CACHD1: variants seen among roughly 807,000 people sequenced by gnomAD.
CACHD1 encodes the protein cache domain containing 1.
A neutral mutation model predicts 138.7 loss-of-function variants in CACHD1; 71 were observed. That is an observed-to-expected ratio of 0.51 (90% CI 0.42 to 0.62). The LOEUF (loss-of-function observed/expected upper bound fraction) is 0.62, where lower values mean the gene tolerates loss of function less well. CACHD1 is among the 20% of genes least tolerant of loss of function. The probability of loss-of-function intolerance (pLI) is 0.00; values close to 1 mark genes in which losing one functional copy is unlikely to be tolerated. For synonymous variants in CACHD1, 578 were observed against 591.5 expected, an observed-to-expected ratio of 0.98 and a Z score of 0.33; for missense variants, 1,389 against 1,625.3, an observed-to-expected ratio of 0.85 and a Z score of 2.50.
At chr1:64,643,037 A>G (rs1476203661) in intron 8 of CACHD1, among the ~76,000 whole-genome samples, 3 of 3,412 alleles carry the variant, frequency 8.8e-4, no homozygotes, top group East Asian at 6.3e-3. Flanking sequence ...GACTCTGTCT[A>G]AAAAAAAAAA....
chr1:64,685,552 C>T (rs1650340268), intron 26 of CACHD1, among the ~76,000 whole-genome samples: 1 of 152,040 alleles, frequency 6.6e-6, no homozygotes, highest in East Asian at 1.9e-4. Context: ...CTACTTCTCC[C>T]CCTTTTTTTT....
chr1:64,598,053 A>T (rs1489969343), intron 3 of CACHD1, among the ~76,000 whole-genome samples: 1 of 152,310 alleles, frequency 6.6e-6, no homozygotes, highest in East Asian at 1.9e-4. Context: ...TGGGGACCAG[A>T]GGTAGCTAAA....
intron 1 of CACHD1, among the ~76,000 whole-genome samples, chr1:64,544,233 T>G (rs1245838651): frequency 6.6e-6 from 1 of 152,180 alleles, no homozygotes; most frequent in Non-Finnish European, 1.5e-5. Context: ...CCACATTTTC[T>G]TAGCAAATAT....
intron 1 of CACHD1, among the ~76,000 whole-genome samples, chr1:64,541,603 T>C (rs1646677611): frequency 6.6e-6 from 1 of 152,080 alleles, no homozygotes; most frequent in African/African-American, 2.4e-5. Context: ...AGCCCGGAAA[T>C]TCGAGACCAA....
Position 64,522,923 on chromosome 1 carries a change from C to T in CACHD1, c.199-27671C>T, listed in dbSNP as rs528550831. On this transcript the variant is annotated intron_variant, in intron 1 of 26. Transcript: ENST00000651257. ...CTTGGCTGCAAGAGAAAGAAAAGAT[C>T]CTCAGTAATGTTTGGAATGATTTGA... Among the ~76,000 whole-genome samples the T allele has an allele frequency of 4.0e-4, 61 of 152,270 alleles. 1 individual carries two copies. The Middle Eastern group carries it at 0.014, about 34-fold the overall frequency.
At chr1:64,476,306 G>A (rs561423389) in intron 1 of CACHD1, among the ~76,000 whole-genome samples, 2 of 152,318 alleles carry the variant, frequency 1.3e-5, no homozygotes, top group South Asian at 4.1e-4. Flanking sequence ...TAGAGCTTCT[G>A]TGGTTATTGG....
intron 26 of CACHD1, among the ~76,000 whole-genome samples, chr1:64,685,029 G>A (rs746274326): frequency 7.2e-5 from 11 of 152,022 alleles, no homozygotes; most frequent in African/African-American, 1.2e-4. Flanking sequence ...GGCTGGTCTC[G>A]AACTCCCAAC....
chr1:64,685,283 G>A (rs1188646418), intron 26 of CACHD1, among the ~76,000 whole-genome samples: 1 of 152,162 alleles, frequency 6.6e-6, no homozygotes, highest in African/African-American at 2.4e-5. Flanking sequence ...AGAAGAATAG[G>A]CTATGCCATA....
At chr1:64,514,112 C>G (rs760870613) in intron 1 of CACHD1, among the ~76,000 whole-genome samples, 4 of 152,280 alleles carry the variant, frequency 2.6e-5, no homozygotes, top group Admixed American at 2.6e-4. Context: ...TTTACTTTCT[C>G]TGTTTGAACC....
At chr1:64,601,377 T>C (rs1647212580) in intron 3 of CACHD1, among the ~76,000 whole-genome samples, 1 of 152,266 alleles carries the variant, frequency 6.6e-6, no homozygotes, top group African/African-American at 2.4e-5. Context: ...TCCCTCCATC[T>C]GTGGCTTCTG....
intron 1 of CACHD1, among the ~76,000 whole-genome samples, chr1:64,528,727 T>C (rs889564012): frequency 3.3e-5 from 5 of 152,176 alleles, no homozygotes; most frequent in African/African-American, 4.8e-5. Context: ...TATATACTCA[T>C]GAGATTTAGA....
At chr1:64,645,312 T>C (rs1648867398) in intron 8 of CACHD1, among the ~76,000 whole-genome samples, 1 of 152,054 alleles carries the variant, frequency 6.6e-6, no homozygotes, top group Admixed American at 6.6e-5. Flanking sequence ...TATTTTAAAA[T>C]AACTAATACA....
At chr1:64,690,283 A>G (rs1181359248) in intron 26 of CACHD1, among the ~76,000 whole-genome samples, 1 of 152,194 alleles carries the variant, frequency 6.6e-6, no homozygotes, top group Non-Finnish European at 1.5e-5. Context: ...AGAGCATACA[A>G]TTTCAACCAC....
chr1:64,675,428 A>G lies in CACHD1; in HGVS notation c.2755A>G (p.Ser919Gly), dbSNP rs1422482006. Reference protein sequence around the residue: ...AGDLTNLVHGSHCSKYRLARI... With the variant: ...AGDLTNLVHGGHCSKYRLARI... ...GGATTTGACGAACCTTGTGCATGGC[A>G]GCCACTGTTCCAAATACAGATTAGC... The change falls in exon 20 of 27, where the codon AGC becomes GGC. Residue 919 changes from serine (S) to glycine (G), a missense_variant. Physicochemically the swap from Ser to Gly is moderately conservative, Grantham distance 56. This residue lies in a region of CACHD1 where 50 missense variants were observed against 108.2 expected (regional missense o/e 0.46). Transcript: ENST00000651257. 2 of 1,603,680 alleles carry G rather than the reference A, an allele frequency of 1.2e-6. No individual in the cohort carries two copies. Among genetic ancestry groups the G allele is most frequent in the Non-Finnish European group, 1.7e-6 (2 of 1,171,622 alleles).
intron 1 of CACHD1, among the ~76,000 whole-genome samples, chr1:64,507,561 G>T (rs918805122): frequency 1.9e-4 from 29 of 152,182 alleles, no homozygotes; most frequent in African/African-American, 6.8e-4. Flanking sequence ...AAGCCTCCAG[G>T]GAAGAAGCAG....
Position 64,582,229 on chromosome 1 carries a change from C to T in CACHD1, c.335C>T (p.Ala112Val). The stretch of plus-strand genomic sequence containing the variant: ...AATCGGAACAAGCAAGTTGTAGAAG[C>T]ATCCTATACGGCTCACCTAACCTCT... Reference protein sequence around the residue: ...VVNRNKQVVEASYTAHLTSPL... With the variant: ...VVNRNKQVVEVSYTAHLTSPL... Residue 112 changes from alanine to valine, a missense_variant, in exon 3 of 27, where the codon GCA becomes GTA. Ala to Val is a moderately conservative substitution (Grantham distance 64). Coordinates refer to ENST00000651257, the MANE Select transcript of CACHD1 (RefSeq NM_020925.4). 6.2e-7 allele frequency: 1 copy of T among 1,613,990 alleles called. No individual in the cohort carries two copies. The highest frequency in any genetic ancestry group is 8.5e-7 in the Non-Finnish European group (1 of 1,179,858).
At chr1:64,582,024 G>GGT in intron 2 of CACHD1, 132 bp from the exon 3 acceptor site, 2 of 974,606 alleles carry the variant, frequency 2.1e-6, no homozygotes, top group Non-Finnish European at 3.0e-6. Context: ...ATATGACTTG[G>GGT]GTGTGTGTTG....
intron 7 of CACHD1, among the ~76,000 whole-genome samples, chr1:64,641,115 C>T (rs1176621201): frequency 4.0e-5 from 6 of 151,630 alleles, no homozygotes; most frequent in East Asian, 1.9e-4. Flanking sequence ...ATAGTCTTTA[C>T]GTAAAATAAC....
chr1:64,537,221 G>A (rs968433366), intron 1 of CACHD1, among the ~76,000 whole-genome samples: 4 of 151,758 alleles, frequency 2.6e-5, no homozygotes, highest in African/African-American at 9.7e-5. Context: ...GTTAGCCGAT[G>A]ATTGCGTTTT....
Sources: gnomAD v4.1 joint callset for allele counts (sites outside exome capture counted in the v4.1 genomes callset) on GRCh38, gnomAD v4.1.1 for gene constraint, gnomAD v4.1.1 regional missense constraint, MANE v1.5 for transcripts, NCBI Gene and HGNC (gene_info 2026-07-23, HGNC 2026-07-21) for gene names.